The following BMPR1B variants were observed in gnomAD, a reference collection of about 807,000 sequenced individuals.
BMPR1B encodes the protein bone morphogenetic protein receptor type 1B.
A neutral mutation model predicts 59.1 loss-of-function variants in BMPR1B; 12 were observed. The ratio of observed to expected loss-of-function variants is 0.20; its 90% CI spans 0.13 to 0.33. The LOEUF (loss-of-function observed/expected upper bound fraction) is 0.33. BMPR1B is among the 10% of genes least tolerant of loss of function. The pLI, the probability that BMPR1B is intolerant of heterozygous loss-of-function variation, is 1.00. For missense variants in BMPR1B, 550 were observed against 610.9 expected (o/e 0.90, Z 1.05); for synonymous variants, 237 against 207.3 (o/e 1.14, Z -1.23).
At chr4:94,909,900 T>A (rs1728208443) in intron 2 of BMPR1B, among the ~76,000 whole-genome samples, 1 of 152,072 alleles carries the variant, frequency 6.6e-6, no homozygotes, top group South Asian at 2.1e-4. Flanking sequence ...CATATTTCCC[T>A]TTAAGGTACT....
intron 3 of BMPR1B, among the ~76,000 whole-genome samples, chr4:95,022,461 T>C (rs940934743): frequency 3.3e-5 from 5 of 152,202 alleles, no homozygotes; most frequent in African/African-American, 1.2e-4. Flanking sequence ...TATAATCATT[T>C]GGCATGGTCA....
chr4:94,951,867 G>C (rs766288301), intron 2 of BMPR1B, among the ~76,000 whole-genome samples: 17 of 151,370 alleles, frequency 1.1e-4, no homozygotes, highest in Non-Finnish European at 2.2e-4. Context: ...GAAGAATTTG[G>C]CTGTGAATTC....
chr4:95,114,517 A>C (rs2149277363), intron 4 of BMPR1B, among the ~76,000 whole-genome samples: 1 of 152,302 alleles, frequency 6.6e-6, no homozygotes, highest in East Asian at 1.9e-4. Flanking sequence ...GAGATATTAC[A>C]AAATGTTTTT....
chr4:94,932,737 T>TAATA (rs1355089682), intron 2 of BMPR1B, among the ~76,000 whole-genome samples: 9 of 152,066 alleles, frequency 5.9e-5, no homozygotes, highest in Non-Finnish European at 1.0e-4. Context: ...TTAATATACA[T>TAATA]AATAATAAGA....
At chr4:94,911,935 T>A (rs6532516) in intron 2 of BMPR1B, among the ~76,000 whole-genome samples, 62,596 of 151,960 alleles carry the variant, frequency 0.41, 14,931 homozygotes, top group African/African-American at 0.65. Context: ...TCATGCTGCT[T>A]ATAAAGATAT....
chr4:94,952,133 T>G (rs1273883786), intron 2 of BMPR1B, among the ~76,000 whole-genome samples: 1 of 152,194 alleles, frequency 6.6e-6, no homozygotes, highest in Non-Finnish European at 1.5e-5. Context: ...ATTGTGTCTA[T>G]TTGATTCTTC....
At chr4:94,985,407 T>C (rs1196238288) in intron 2 of BMPR1B, among the ~76,000 whole-genome samples, 1 of 151,940 alleles carries the variant, frequency 6.6e-6, no homozygotes, top group Non-Finnish European at 1.5e-5. Context: ...TAGTAACTAA[T>C]TGGAAATAGG....
intron 1 of BMPR1B, among the ~76,000 whole-genome samples, chr4:94,874,393 C>T (rs1726632999): frequency 6.6e-6 from 1 of 152,014 alleles, no homozygotes. Context: ...TATTTTTGAC[C>T]TTAATTTGAC....
At position 94,760,266 on chromosome 4, in the gene BMPR1B, T is replaced by TA. The variant is rs1721708422; in HGVS notation, c.-183+2199dup. 2.6e-5 allele frequency among the ~76,000 whole-genome samples: 4 copies of TA among 152,316 alleles called. No homozygotes were observed. In the South Asian group the frequency reaches 8.3e-4, roughly 32 times the overall value. ...GGCTAGGTTGTCTGAAATTCCCTGT[T>TA]AGATTATTGTCCCTGAGTGACGTGC... On this transcript the variant is annotated intron_variant, in intron 1 of 12. Coordinates refer to ENST00000515059, the MANE Select transcript of BMPR1B (RefSeq NM_001203.3).
At chr4:94,843,848 T>C (rs78342735) in intron 1 of BMPR1B, among the ~76,000 whole-genome samples, 329 of 152,280 alleles carry the variant, frequency 2.2e-3, no homozygotes, top group African/African-American at 7.6e-3. Context: ...CACCTCCTGC[T>C]CTGGTCAGTT....
intron 2 of BMPR1B, among the ~76,000 whole-genome samples, chr4:94,964,072 A>G (rs1730466856): frequency 6.6e-6 from 1 of 151,886 alleles, no homozygotes; most frequent in Non-Finnish European, 1.5e-5. Flanking sequence ...ATTCCTTGGT[A>G]TTTTATCTGT....
At chr4:94,994,840 C>G (rs13129054) in intron 2 of BMPR1B, among the ~76,000 whole-genome samples, 2 of 151,884 alleles carry the variant, frequency 1.3e-5, no homozygotes, top group Non-Finnish European at 2.9e-5. Context: ...TTGAGAACCA[C>G]CATTCTAACA....
chr4:94,881,475 CT>C (rs749452166), intron 2 of BMPR1B, among the ~76,000 whole-genome samples: 615 of 143,080 alleles, frequency 4.3e-3, no homozygotes, highest in Middle Eastern at 0.014. Context: ...AATATTTCAA[CT>C]TTTTTTTTTT....
At chr4:94,962,120 C>T (rs201089590) in intron 2 of BMPR1B, among the ~76,000 whole-genome samples, 176 of 98,822 alleles carry the variant, frequency 1.8e-3, no homozygotes, top group Non-Finnish European at 1.9e-3. Context: ...TCCTTCCTTC[C>T]TTCTTTCCTT....
At chr4:94,905,989 G>A (rs1728024770) in intron 2 of BMPR1B, among the ~76,000 whole-genome samples, 1 of 150,164 alleles carries the variant, frequency 6.7e-6, no homozygotes, top group African/African-American at 2.5e-5. Flanking sequence ...AGTAATTAAT[G>A]GATAATAAGA....
chr4:95,042,847 T>C (rs1156569372), intron 3 of BMPR1B, among the ~76,000 whole-genome samples: 2 of 152,176 alleles, frequency 1.3e-5, no homozygotes, highest in African/African-American at 4.8e-5. Flanking sequence ...AGTCATATTT[T>C]CCAGGTGATG....
At chr4:94,991,143 T>G (rs1483053484) in intron 2 of BMPR1B, among the ~76,000 whole-genome samples, 1 of 152,196 alleles carries the variant, frequency 6.6e-6, no homozygotes, top group Non-Finnish European at 1.5e-5. Flanking sequence ...CCCTCAGTCC[T>G]TGACTCTGTC....
intron 1 of BMPR1B, among the ~76,000 whole-genome samples, chr4:94,842,909 C>CTGTG (rs1553911695): frequency 2.9e-5 from 3 of 104,420 alleles, no homozygotes; most frequent in Admixed American, 1.7e-4. Flanking sequence ...CACATACACA[C>CTGTG]TGTGTGTATG....
intron 2 of BMPR1B, among the ~76,000 whole-genome samples, chr4:94,970,088 G>T (rs1406680366): frequency 6.6e-6 from 1 of 151,916 alleles, no homozygotes; most frequent in Non-Finnish European, 1.5e-5. Flanking sequence ...TATATATCTT[G>T]TTTTATTTTA....
Sources: allele counts gnomAD v4.1 joint callset (sites outside exome capture counted in the v4.1 genomes callset), GRCh38; gene constraint gnomAD v4.1.1; transcripts MANE v1.5; gene names NCBI Gene and HGNC (gene_info 2026-07-23, HGNC 2026-07-21).